The following POU2F1 variants were observed in gnomAD, a reference collection of about 807,000 sequenced individuals.
POU2F1 encodes the protein POU domain, class 2, transcription factor 1.
POU2F1 carries 16 observed loss-of-function variants against 84.9 expected under a neutral mutation model. That is an observed-to-expected ratio of 0.19 (90% CI 0.13 to 0.29). The LOEUF (loss-of-function observed/expected upper bound fraction) is 0.29, where lower values mean the gene tolerates loss of function less well. Among genes scored for constraint, POU2F1 ranks in the 10% least tolerant of loss-of-function variants. The pLI is 1.00. For missense variants in POU2F1, 738 were observed against 942.6 expected, an observed-to-expected ratio of 0.78 and a Z score of 2.84; for synonymous variants, 368 against 368.3, an observed-to-expected ratio of 1.00 and a Z score of 0.01.
At chr1:167,227,268 C>A (rs570113344) in intron 1 of POU2F1, among the ~76,000 whole-genome samples, 3 of 151,976 alleles carry the variant, frequency 2.0e-5, no homozygotes, top group Non-Finnish European at 4.4e-5. Context: ...TTTCATAATT[C>A]TTTGTAACTT....
chr1:167,412,024 G>A lies in POU2F1; in HGVS notation c.1621G>A (p.Ala541Thr). ...VISTAPPASS[A>T]VTSPSLSPSP... Reference sequence around the variant, plus strand: ...TTCCACAGCGCCTCCAGCTTCCTCAGCAGTCACGTCCCCCTCTCTGAGTCC... The same window carrying A: ...TTCCACAGCGCCTCCAGCTTCCTCAACAGTCACGTCCCCCTCTCTGAGTCC... Residue 541 changes from alanine to threonine, a missense_variant, in exon 14 of 16, where the codon GCA becomes ACA. Transcript: ENST00000367866. The A allele has an allele frequency of 6.2e-7, 1 of 1,613,994 alleles. No homozygotes were observed. Among genetic ancestry groups the A allele is most frequent in the South Asian group, 1.1e-5 (1 of 91,076 alleles).
chr1:167,408,231 G>A (rs1250071405), intron 13 of POU2F1, among the ~76,000 whole-genome samples: 3 of 152,154 alleles, frequency 2.0e-5, no homozygotes, highest in African/African-American at 7.2e-5. Flanking sequence ...GACCCAAGAT[G>A]ATAAATGTTG....
intron 7 of POU2F1, among the ~76,000 whole-genome samples, chr1:167,377,299 A>T (rs1660393611): frequency 6.6e-6 from 1 of 152,186 alleles, no homozygotes; most frequent in Admixed American, 6.5e-5. Flanking sequence ...TTTAAGAGTC[A>T]TTAATGGCCA....
At chr1:167,310,143 A>G (rs1249848646) in intron 1 of POU2F1, among the ~76,000 whole-genome samples, 1 of 152,176 alleles carries the variant, frequency 6.6e-6, no homozygotes, top group East Asian at 1.9e-4. Flanking sequence ...AGCAAAATAT[A>G]AATAGCAAAT....
At chr1:167,222,245 CCTT>C (rs1648280651) in intron 1 of POU2F1, among the ~76,000 whole-genome samples, 1 of 152,180 alleles carries the variant, frequency 6.6e-6, no homozygotes, top group Non-Finnish European at 1.5e-5. Flanking sequence ...GATCCCCCTC[CCTT>C]CTTCTGTGGC....
At chr1:167,248,156 C>CT (rs1650474950) in intron 1 of POU2F1, among the ~76,000 whole-genome samples, 1 of 152,134 alleles carries the variant, frequency 6.6e-6, no homozygotes. Flanking sequence ...TGTGATTATT[C>CT]TTTTGAGTAC....
At chr1:167,397,829 A>G (rs1571440865) in intron 10 of POU2F1, among the ~76,000 whole-genome samples, 165 bp from the exon 11 acceptor site, 1 of 152,156 alleles carries the variant, frequency 6.6e-6, no homozygotes, top group Non-Finnish European at 1.5e-5. Flanking sequence ...ACAGGTGTGA[A>G]CCACCATGCC....
chr1:167,248,344 A>G (rs1043747468), intron 1 of POU2F1, among the ~76,000 whole-genome samples: 8 of 152,258 alleles, frequency 5.3e-5, no homozygotes, highest in Non-Finnish European at 1.0e-4. Context: ...TCTAATTTCC[A>G]TCAGGTACTG....
chr1:167,252,665 C>T (rs1466883097), intron 1 of POU2F1, among the ~76,000 whole-genome samples: 1 of 152,166 alleles, frequency 6.6e-6, no homozygotes, highest in Admixed American at 6.5e-5. Context: ...TGGCTTTTTA[C>T]TTTGTTGCAA....
At chr1:167,292,905 C>T (rs1654023924) in intron 1 of POU2F1, among the ~76,000 whole-genome samples, 1 of 152,034 alleles carries the variant, frequency 6.6e-6, no homozygotes, top group African/African-American at 2.4e-5. Flanking sequence ...AAACAAAAAC[C>T]ATACGACCGT....
intron 2 of POU2F1, among the ~76,000 whole-genome samples, chr1:167,362,301 C>T (rs1659399022): frequency 6.6e-6 from 1 of 152,096 alleles, no homozygotes; most frequent in Non-Finnish European, 1.5e-5. Context: ...TTCTTTTTAC[C>T]TTACTACCTT....
In POU2F1 at chr1:167,385,971, A is replaced by G. The variant is rs550667935; in HGVS notation, c.813+2020A>G. Among the ~76,000 whole-genome samples, 14 of 152,320 alleles carry G rather than the reference A, an allele frequency of 9.2e-5. No individual in the cohort carries two copies. In the South Asian group the frequency reaches 2.9e-3, roughly 32 times the overall value. On this transcript the variant is annotated intron_variant, in intron 8 of 15. Transcript: ENST00000367866. Reference sequence around the variant, plus strand: ...TTGGAGATACGTCACCAAAGATGATATGTAAATGTCCAGCAGGCATATGAA... The same window carrying G: ...TTGGAGATACGTCACCAAAGATGATGTGTAAATGTCCAGCAGGCATATGAA...
intron 13 of POU2F1, among the ~76,000 whole-genome samples, chr1:167,408,408 A>T (rs1649733613): frequency 1.3e-5 from 2 of 152,208 alleles, no homozygotes; most frequent in Non-Finnish European, 2.9e-5. Context: ...TTCAATGTGA[A>T]TGTTTATATA....
chr1:167,369,868 T>C (rs1384394629), intron 3 of POU2F1, among the ~76,000 whole-genome samples: 1 of 152,106 alleles, frequency 6.6e-6, no homozygotes, highest in African/African-American at 2.4e-5. Context: ...ATACAAACAA[T>C]GTTATGTAAG....
chr1:167,313,297 A>C (rs1655629762), intron 1 of POU2F1, among the ~76,000 whole-genome samples: 1 of 152,244 alleles, frequency 6.6e-6, no homozygotes, highest in Non-Finnish European at 1.5e-5. Context: ...CAAAATTCTC[A>C]CAGACTTTTT....
chr1:167,253,528 C>T (rs1156236317), intron 1 of POU2F1, among the ~76,000 whole-genome samples: 1 of 151,898 alleles, frequency 6.6e-6, no homozygotes, highest in Non-Finnish European at 1.5e-5. Context: ...CAGGCTCAGG[C>T]GATCTTCCCA....
chr1:167,221,000 C>T (rs1198353249), intron 1 of POU2F1, 42 bp downstream of exon 1: 3 of 1,488,784 alleles, frequency 2.0e-6, no homozygotes, highest in Non-Finnish European at 2.7e-6. Context: ...TCATACTCAA[C>T]CCCGGCTCCC....
intron 1 of POU2F1, among the ~76,000 whole-genome samples, chr1:167,251,648 ACTT>A (rs1423427484): frequency 1.3e-5 from 2 of 152,040 alleles, no homozygotes; most frequent in African/African-American, 2.4e-5. Flanking sequence ...AAGGGCTCAT[ACTT>A]CTTGGAACTT....
At chr1:167,303,765 C>T (rs1654872516) in intron 1 of POU2F1, among the ~76,000 whole-genome samples, 1 of 152,030 alleles carries the variant, frequency 6.6e-6, no homozygotes, top group Non-Finnish European at 1.5e-5. Flanking sequence ...ATGCCTGCGA[C>T]CCAGCCAGCA....
Sources: allele counts gnomAD v4.1 joint callset (sites outside exome capture counted in the v4.1 genomes callset), GRCh38; gene constraint gnomAD v4.1.1; transcripts MANE v1.5; gene names NCBI Gene and HGNC (gene_info 2026-07-23, HGNC 2026-07-21).